The following ACTR3B variants were observed in gnomAD, a reference collection of about 807,000 sequenced individuals.
ACTR3B encodes the protein actin related protein 3B.
In ACTR3B, 8 loss-of-function variants were observed where a neutral mutation model predicts 59.0. That is an observed-to-expected ratio of 0.14 (90% CI 0.08 to 0.24). The LOEUF (loss-of-function observed/expected upper bound fraction) is 0.24, where lower values mean the gene tolerates loss of function less well. Ranked by LOEUF, ACTR3B falls within the 10% of genes least tolerant of loss-of-function variation. The pLI is 1.00. For missense variants in ACTR3B, 245 were observed against 552.3 expected, an observed-to-expected ratio of 0.44 and a Z score of 5.58; for synonymous variants, 148 against 197.9, an observed-to-expected ratio of 0.75 and a Z score of 2.12.
At chr7:152,775,190 CAAA>C (rs67260503) in intron 1 of ACTR3B, among the ~76,000 whole-genome samples, 9 of 42,596 alleles carry the variant, frequency 2.1e-4, no homozygotes, top group African/African-American at 4.6e-4. Flanking sequence ...AACCCTGTCT[CAAA>C]AAAAAAAAAA....
intron 1 of ACTR3B, among the ~76,000 whole-genome samples, chr7:152,771,036 T>C (rs2116530547): frequency 6.6e-6 from 1 of 151,008 alleles, no homozygotes; most frequent in Middle Eastern, 3.4e-3. Context: ...TGATCTCGGC[T>C]TACTGCAACC....
intron 2 of ACTR3B, among the ~76,000 whole-genome samples, chr7:152,795,740 T>C (rs1354414995): frequency 6.6e-6 from 1 of 152,222 alleles, no homozygotes; most frequent in Non-Finnish European, 1.5e-5. Context: ...ATTAATCTTT[T>C]GTCTGGCCAT....
chr7:152,800,695 T>G (rs199956468), intron 3 of ACTR3B, 40 bp downstream of exon 3: 2 of 1,104,456 alleles, frequency 1.8e-6, no homozygotes, highest in African/African-American at 1.9e-5. Flanking sequence ...AAGTGTAGAG[T>G]AGTAGGATGA....
At chr7:152,773,908 T>C (rs1206649284) in intron 1 of ACTR3B, among the ~76,000 whole-genome samples, 1 of 152,118 alleles carries the variant, frequency 6.6e-6, no homozygotes, top group Non-Finnish European at 1.5e-5. Context: ...CCACACTTGC[T>C]CCTCAGCCCT....
At chr7:152,837,361 GA>G (rs1426998610) in intron 9 of ACTR3B, among the ~76,000 whole-genome samples, 1 of 152,242 alleles carries the variant, frequency 6.6e-6, no homozygotes, top group African/African-American at 2.4e-5. Context: ...CTCTGAAGGT[GA>G]AACAAGCATA....
chr7:152,794,068 G>T (rs960430754), intron 2 of ACTR3B, among the ~76,000 whole-genome samples: 2 of 151,982 alleles, frequency 1.3e-5, no homozygotes, highest in Admixed American at 6.6e-5. Context: ...GCCACATCTT[G>T]TTCCATAGGT....
rs1236248992 is a variant in ACTR3B at position 152,761,172 on chromosome 7, A to G, written c.44+1246A>G. ...AAATACACGTCATATCAAGCTTTGT[A>G]GCTCTTTATTTTAGAACTTGCTTTT... On this transcript the variant is annotated intron_variant, in intron 1 of 11. Transcript: ENST00000256001. Among the ~76,000 whole-genome samples, 7 of 152,282 alleles carry G rather than the reference A, an allele frequency of 4.6e-5. No individual in the cohort carries two copies. In the East Asian group the frequency reaches 1.4e-3, roughly 29 times the overall value.
chr7:152,814,739 G>A (rs1057286059), intron 5 of ACTR3B, 94 bp downstream of exon 5: 26 of 962,782 alleles, frequency 2.7e-5, no homozygotes, highest in African/African-American at 5.0e-5. Context: ...GGAAGACTGC[G>A]CTGTGTGCCC....
chr7:152,784,576 A>G (rs2098165333), intron 2 of ACTR3B, among the ~76,000 whole-genome samples: 1 of 152,218 alleles, frequency 6.6e-6, no homozygotes, highest in African/African-American at 2.4e-5. Context: ...GAATTCAGAA[A>G]TGAGTGTCTT....
Position 152,766,768 on chromosome 7 carries a change from G to A in ACTR3B, c.44+6842G>A, listed in dbSNP as rs796782745. 5.9e-5 allele frequency among the ~76,000 whole-genome samples: 9 copies of A among 152,108 alleles called. 1 individual carries two copies. The highest frequency in any genetic ancestry group is 2.2e-4 in the African/African-American group (9 of 41,516). ...GGTTTTTTTCATTCCCAGATTACATGGTGGTTTCTTTTCTTCTTTTTCTTT... is the reference window on the plus strand; with the variant it reads ...GGTTTTTTTCATTCCCAGATTACATAGTGGTTTCTTTTCTTCTTTTTCTTT... On this transcript the variant is annotated intron_variant, in intron 1 of 11. Coordinates refer to ENST00000256001, the MANE Select transcript of ACTR3B (RefSeq NM_020445.6).
intron 9 of ACTR3B, among the ~76,000 whole-genome samples, chr7:152,843,589 A>G (rs1590441169): frequency 1.3e-5 from 2 of 152,262 alleles, no homozygotes; most frequent in East Asian, 1.9e-4. Flanking sequence ...AATACTTCTC[A>G]AGTATTATAA....
At chr7:152,768,978 G>A (rs1294396203) in intron 1 of ACTR3B, among the ~76,000 whole-genome samples, 2 of 151,276 alleles carry the variant, frequency 1.3e-5, no homozygotes, top group East Asian at 2.0e-4. Flanking sequence ...TCAGCCTCCC[G>A]AGGAGCTGGG....
At chr7:152,825,538 A>G (rs1016634439) in intron 9 of ACTR3B, among the ~76,000 whole-genome samples, 125 of 152,162 alleles carry the variant, frequency 8.2e-4, no homozygotes, top group South Asian at 1.5e-3. Flanking sequence ...GCTGGTCTCG[A>G]ACTCCTGAGC....
intron 9 of ACTR3B, among the ~76,000 whole-genome samples, chr7:152,836,640 T>G (rs1429513746): frequency 1.3e-5 from 2 of 151,788 alleles, no homozygotes; most frequent in African/African-American, 4.8e-5. Context: ...AAAGCAGTGA[T>G]GTATGCTATT....
At chr7:152,786,478 A>C (rs2462104) in intron 2 of ACTR3B, 1 of 168,210 alleles carries the variant, frequency 5.9e-6, no homozygotes, top group African/African-American at 2.4e-5. Flanking sequence ...ACTTGAACCC[A>C]GGAGGTGGAG....
chr7:152,810,423 T>G (rs868588308), intron 4 of ACTR3B, among the ~76,000 whole-genome samples: 2,151 of 115,478 alleles, frequency 0.019, 49 homozygotes, highest in African/African-American at 0.06. Context: ...TTTTTTTTTT[T>G]TTTTTGTTGT....
rs1375807153 is a variant in ACTR3B at position 152,795,912 on chromosome 7, C to T, written c.101-4619C>T. Among the ~76,000 whole-genome samples the T allele has an allele frequency of 1.1e-4, 16 of 151,190 alleles. 1 individual carries two copies. The highest frequency in any genetic ancestry group is 6.6e-4 in the Admixed American group (10 of 15,174). On this transcript the variant is annotated intron_variant, in intron 2 of 11. Transcript: ENST00000256001. ...AGGCTGGAGTGCAGTGGCGCGATCT[C>T]GGCTCACTGCAACCTCTGCCTCCCA...
In ACTR3B at chr7:152,765,129, TTTC is replaced by T. The variant is rs1463936101; in HGVS notation, c.44+5204_44+5206del. On this transcript the variant is annotated intron_variant, in intron 1 of 11. Transcript: ENST00000256001. The stretch of plus-strand genomic sequence containing the variant: ...TGGCCCTTTTTTTTTTTTTTTTTTT[TTTC>T]CGGAGACAGAGTTTTGCTTTCATTG... Among the ~76,000 whole-genome samples, 54 of 141,782 alleles carry T rather than the reference TTTC, an allele frequency of 3.8e-4. 2 individuals carry two copies. The highest frequency in any genetic ancestry group is 1.5e-3 in the African/African-American group (52 of 35,794). 93.0% of individuals were successfully genotyped at this position (141,782 alleles called of 152,430 possible). A position where few individuals can be genotyped will look rare whatever the true frequency, so the allele number is the denominator to read the frequency against.
chr7:152,801,537 C>T (rs2689445), intron 3 of ACTR3B, 84 bp from the exon 4 acceptor site: 2 of 1,562,896 alleles, frequency 1.3e-6, no homozygotes, highest in South Asian at 2.4e-5. Context: ...TTCTTAATAA[C>T]ACAGTTTCTT....
Sources: gnomAD v4.1 joint callset for allele counts (sites outside exome capture counted in the v4.1 genomes callset) on GRCh38, gnomAD v4.1.1 for gene constraint, MANE v1.5 for transcripts, NCBI Gene and HGNC (gene_info 2026-07-23, HGNC 2026-07-21) for gene names.